The following VHL variants were observed in gnomAD, a reference collection of about 807,000 sequenced individuals.
VHL encodes the protein von Hippel-Lindau disease tumor suppressor.
In VHL, 10 loss-of-function variants were observed where a neutral mutation model predicts 19.2. The observed-to-expected ratio is 0.52, with a 90% CI of 0.32 to 0.89. VHL has a LOEUF of 0.89. VHL is among the 40% of genes least tolerant of loss of function. The probability of loss-of-function intolerance (pLI) is 0.03; values close to 1 mark genes in which losing one functional copy is unlikely to be tolerated. For synonymous variants in VHL, 167 were observed against 129.5 expected (o/e 1.29, Z -1.97); for missense variants, 328 against 292.7 (o/e 1.12, Z -0.88).
At position 10,149,984 on chromosome 3, in the gene VHL, AC is replaced by A. The variant is rs1559430035; in HGVS notation, c.*20del. On this transcript the variant is annotated 3_prime_UTR_variant, in exon 3 of 3. Coordinates refer to ENST00000256474, the MANE Select transcript of VHL (RefSeq NM_000551.4). The stretch of plus-strand genomic sequence containing the variant: ...AGATTGAAGATTTCTGTTGAAACTT[AC>A]ACTGTTTCATCTCAGCTTTTGATGG... 1.2e-6 allele frequency: 2 copies of A among 1,608,810 alleles called. No homozygotes were observed. The highest frequency in any genetic ancestry group is 1.1e-5 in the South Asian group (1 of 90,250).
In VHL at chr3:10,141,998, G is replaced by C. The variant is rs1480825246; in HGVS notation, c.151G>C (p.Glu51Gln). The C allele has an allele frequency of 1.3e-6, 2 of 1,580,702 alleles. No homozygotes were observed. The highest frequency in any genetic ancestry group is 2.3e-5 in the East Asian group (1 of 42,970). The change falls in exon 1 of 3, where the codon GAG becomes CAG. Residue 51 changes from glutamate (E) to glutamine (Q), a missense_variant. By Grantham distance (29) the Glu-to-Gln change is conservative. Coordinates refer to ENST00000256474, the MANE Select transcript of VHL (RefSeq NM_000551.4). ...GTCCGGCCCGGAGGAACTGGGCGCC[G>C]AGGAGGAGATGGAGGCCGGGCGGCC... ...EESGPEELGAEEEMEAGRPRP... is the reference protein window; with the variant it reads ...EESGPEELGAQEEMEAGRPRP...
At chr3:10,145,471 C>T (rs981255195) in intron 1 of VHL, among the ~76,000 whole-genome samples, 2 of 151,742 alleles carry the variant, frequency 1.3e-5, no homozygotes, top group Non-Finnish European at 1.5e-5. Context: ...TTTGGGAGGC[C>T]GAGGCGGGCG....
chr3:10,146,739 G>C, intron 2 of VHL, 103 bp downstream of exon 2: 2 of 1,435,660 alleles, frequency 1.4e-6, no homozygotes, highest in South Asian at 1.1e-5. Flanking sequence ...CTGATGTCAG[G>C]CACGTTATCC....
intron 1 of VHL, among the ~76,000 whole-genome samples, chr3:10,145,172 C>T (rs957554939): frequency 2.6e-5 from 4 of 152,024 alleles, no homozygotes; most frequent in Non-Finnish European, 5.9e-5. Flanking sequence ...CCAGCCTGGG[C>T]AACAGAGCAA....
chr3:10,143,950 T>C (rs1251976003), intron 1 of VHL, among the ~76,000 whole-genome samples: 1 of 152,136 alleles, frequency 6.6e-6, no homozygotes, highest in Non-Finnish European at 1.5e-5. Context: ...AGCAGAGAAG[T>C]AGTCCTAGTG....
intron 2 of VHL, among the ~76,000 whole-genome samples, chr3:10,147,440 C>T (rs770804230): frequency 1.3e-4 from 20 of 151,698 alleles, no homozygotes; most frequent in Middle Eastern, 3.4e-3. Context: ...TTTCAGCTCA[C>T]TGCAACCTCT....
chr3:10,141,955 GGAGTCCGGCCCGGAA>G lies in VHL; in HGVS notation c.123_137del (p.Ser43_Glu47del), dbSNP rs863224839. ...ACGGCGGGGAGGAGTCGGGCGCCGA[GGAGTCCGGCCCGGAA>G]GAGTCCGGCCCGGAGGAACTGGGCG... is the stretch of plus-strand genomic sequence containing the variant. On this transcript the variant is annotated inframe_deletion, in exon 1 of 3. Coordinates refer to ENST00000256474, the MANE Select transcript of VHL (RefSeq NM_000551.4). 113 of 1,546,858 alleles carry G rather than the reference GGAGTCCGGCCCGGAA, an allele frequency of 7.3e-5. No individual in the cohort carries two copies. Among genetic ancestry groups the G allele is most frequent in the South Asian group, 2.5e-4 (21 of 83,996 alleles).
intron 2 of VHL, among the ~76,000 whole-genome samples, chr3:10,149,387 A>G (rs1227136872): frequency 6.6e-6 from 1 of 152,188 alleles, no homozygotes; most frequent in East Asian, 1.9e-4. Flanking sequence ...TGTTGGGATC[A>G]CAGGCATGAA....
chr3:10,145,705 C>CAAA (rs35732631), intron 1 of VHL, among the ~76,000 whole-genome samples: 2 of 133,744 alleles, frequency 1.5e-5, no homozygotes, highest in African/African-American at 5.6e-5. Context: ...GACTGCATCT[C>CAAA]AAAAAAAAAA....
At chr3:10,142,667 A>C (rs1262745683) in intron 1 of VHL, 1 of 169,182 alleles carries the variant, frequency 5.9e-6, no homozygotes, top group Admixed American at 5.7e-5. Context: ...ATAAGGCCGA[A>C]TAGTTTGCAT....
chr3:10,149,597 G>A (rs1372848786), intron 2 of VHL, among the ~76,000 whole-genome samples, 190 bp from the exon 3 acceptor site: 1 of 152,164 alleles, frequency 6.6e-6, no homozygotes, highest in Non-Finnish European at 1.5e-5. Flanking sequence ...TACTACAGAG[G>A]CATGAACACC....
intron 2 of VHL, 131 bp downstream of exon 2, chr3:10,146,767 T>C: frequency 1.7e-6 from 2 of 1,167,856 alleles, no homozygotes; most frequent in South Asian, 2.5e-5. Flanking sequence ...TTGTATCCTA[T>C]TCTCTACCAT....
chr3:10,147,657 G>A (rs978810297), intron 2 of VHL, among the ~76,000 whole-genome samples: 15 of 151,170 alleles, frequency 9.9e-5, no homozygotes, highest in Admixed American at 7.9e-4. Flanking sequence ...GAGCCACTGC[G>A]TCCAGCCTGT....
intron 1 of VHL, among the ~76,000 whole-genome samples, chr3:10,143,200 G>C (rs1054153506): frequency 6.6e-6 from 1 of 151,922 alleles, no homozygotes; most frequent in African/African-American, 2.4e-5. Flanking sequence ...GCGCGATTGC[G>C]GCTCATTGCA....
chr3:10,142,287 C>A, intron 1 of VHL, 100 bp downstream of exon 1: 3 of 1,365,292 alleles, frequency 2.2e-6, no homozygotes, highest in Non-Finnish European at 3.0e-6. Flanking sequence ...GGAACTGAGG[C>A]CCCTTGAGGC....
Position 10,142,191 on chromosome 3 carries a change from C to CGGGCCCGGCGCTT in VHL, c.340+5_340+17dup. The CGGGCCCGGCGCTT allele has an allele frequency of 6.3e-7, 1 of 1,597,022 alleles. No homozygotes were observed. The highest frequency in any genetic ancestry group is 2.2e-5 in the East Asian group (1 of 44,812). On this transcript the variant is annotated splice_donor_region_variant and intron_variant, in intron 1 of 2. Transcript: ENST00000256474. ...CGCCGCATCCACAGCTACCGAGGTA[C>CGGGCCCGGCGCTT]GGGCCCGGCGCTTAGGCCCGACCCA...
chr3:10,147,218 G>A (rs2125128980), intron 2 of VHL, among the ~76,000 whole-genome samples: 1 of 152,092 alleles, frequency 6.6e-6, no homozygotes, highest in African/African-American at 2.4e-5. Flanking sequence ...CACCGTGTTA[G>A]CCAGGATGGT....
At position 10,149,930 on chromosome 3, in the gene VHL, C is replaced by T. The variant is rs750711842; in HGVS notation, c.607C>T (p.Gln203Ter). 1.9e-6 allele frequency: 3 copies of T among 1,614,132 alleles called. No homozygotes were observed. In the South Asian group the frequency reaches 3.3e-5, roughly 18 times the overall value. ...NVQKDLERLT[Q>*]ERIAHQRMGD is the part of the protein sequence containing the mutation. ...GCAGAAAGACCTGGAGCGGCTGACA[C>T]AGGAGCGCATTGCACATCAACGGAT... Residue 203 changes from glutamine (Q) to a stop codon, truncating the protein, a stop_gained, in exon 3 of 3, where the codon CAG becomes TAG. Coordinates refer to ENST00000256474, the MANE Select transcript of VHL (RefSeq NM_000551.4). LOFTEE classifies it high-confidence loss of function.
Position 10,149,909 on chromosome 3 carries a change from A to G in VHL, c.586A>G (p.Lys196Glu), listed in dbSNP as rs281860296. The G allele has an allele frequency of 6.2e-7, 1 of 1,614,234 alleles. No homozygotes were observed. Among genetic ancestry groups the G allele is most frequent in the Non-Finnish European group, 8.5e-7 (1 of 1,180,042 alleles). Residue 196 changes from lysine to glutamate, a missense_variant, in exon 3 of 3, where the codon AAA becomes GAA. Lys to Glu is a moderately conservative substitution (Grantham distance 56). Transcript: ENST00000256474. ...TCTGGAAGACCACCCAAATGTGCAGAAAGACCTGGAGCGGCTGACACAGGA... is the reference window on the plus strand; with the variant it reads ...TCTGGAAGACCACCCAAATGTGCAGGAAGACCTGGAGCGGCTGACACAGGA... ...EDLEDHPNVQ[K>E]DLERLTQERI...
Sources: allele counts gnomAD v4.1 joint callset (sites outside exome capture counted in the v4.1 genomes callset), GRCh38; gene constraint gnomAD v4.1.1; transcripts MANE v1.5; gene names NCBI Gene and HGNC (gene_info 2026-07-23, HGNC 2026-07-21).